The following IDO2 variants were observed in gnomAD, a reference collection of about 807,000 sequenced individuals.
IDO2 encodes the protein indoleamine 2,3-dioxygenase-like 1 protein.
Under a neutral mutation model 45.1 loss-of-function variants are expected in IDO2, and 46 were observed. That is an observed-to-expected ratio of 1.02 (90% CI 0.80 to 1.30). The LOEUF (loss-of-function observed/expected upper bound fraction) is 1.30. Ranked by LOEUF, IDO2 falls within the 50% of genes most tolerant of loss-of-function variation. The probability of loss-of-function intolerance (pLI) is 0.00; values close to 1 mark genes in which losing one functional copy is unlikely to be tolerated. For synonymous variants in IDO2, 218 were observed against 184.9 expected, an observed-to-expected ratio of 1.18 and a Z score of -1.45; for missense variants, 544 against 491.8, an observed-to-expected ratio of 1.11 and a Z score of -1.00.
At chr8:39,962,232 C>T (rs1174315091) in intron 2 of IDO2, among the ~76,000 whole-genome samples, 17 of 152,056 alleles carry the variant, frequency 1.1e-4, no homozygotes, top group Non-Finnish European at 1.5e-5. Flanking sequence ...TGCCTTAAGC[C>T]CCCAGCCCCA....
Position 39,972,041 on chromosome 8 carries a change from A to G in IDO2, c.196-7026A>G, listed in dbSNP as rs530170539. ...GCCAGGCTGGTCTCAAACTCCTGGC[A>G]TCAGGTGATCCACCCACCTTGGCCT... On this transcript the variant is annotated intron_variant, in intron 3 of 10. Coordinates refer to ENST00000502986, the Ensembl canonical transcript of IDO2. Among the ~76,000 whole-genome samples the G allele has an allele frequency of 2.0e-5, 3 of 152,176 alleles. No individual in the cohort carries two copies. In the South Asian group the frequency reaches 6.2e-4, roughly 32 times the overall value.
intron 3 of IDO2, among the ~76,000 whole-genome samples, chr8:39,970,788 G>A (rs1463856058): frequency 3.4e-5 from 4 of 116,042 alleles, no homozygotes; most frequent in Non-Finnish European, 6.7e-5. Flanking sequence ...TTTTTTTTGA[G>A]ACAGAGTCTC....
At chr8:39,998,010 T>G in intron 8 of IDO2, 1 of 234,914 alleles carries the variant, frequency 4.3e-6, no homozygotes, top group Non-Finnish European at 8.8e-6. Context: ...ACTTAGCCCA[T>G]CTGTAGCTCT....
At chr8:39,972,609 CA>C (rs35394460) in intron 3 of IDO2, among the ~76,000 whole-genome samples, 1,090 of 34,426 alleles carry the variant, frequency 0.032, 3 homozygotes, top group African/African-American at 0.076. Context: ...GACTCCATCT[CA>C]AAAAAAAAAA....
chr8:39,941,956 G>A (rs1807649586), intron 1 of IDO2, among the ~76,000 whole-genome samples: 1 of 151,964 alleles, frequency 6.6e-6, no homozygotes, highest in South Asian at 2.1e-4. Context: ...AAGCATGGTG[G>A]TACACACCTG....
intron 1 of IDO2, among the ~76,000 whole-genome samples, chr8:39,940,929 G>GAAAAAA (rs35440780): frequency 2.9e-5 from 4 of 138,542 alleles, no homozygotes; most frequent in Non-Finnish European, 6.2e-5. Context: ...AAATAAAATT[G>GAAAAAA]AAAAAAAAAA....
chr8:39,949,429 G>A (rs544058307), intron 2 of IDO2, among the ~76,000 whole-genome samples, 165 bp downstream of exon 2: 51 of 152,280 alleles, frequency 3.3e-4, no homozygotes, highest in Non-Finnish European at 6.5e-4. Flanking sequence ...ACTATCAAAA[G>A]AGAAGTGACA....
At chr8:39,994,052 G>A (rs1801989405) in intron 8 of IDO2, among the ~76,000 whole-genome samples, 1 of 151,892 alleles carries the variant, frequency 6.6e-6, no homozygotes, top group African/African-American at 2.4e-5. Flanking sequence ...ATTGTTAAGT[G>A]AAAAAAGCAG....
At chr8:39,954,576 A>G (rs1022360661) in intron 2 of IDO2, among the ~76,000 whole-genome samples, 2 of 149,914 alleles carry the variant, frequency 1.3e-5, no homozygotes, top group Non-Finnish European at 3.0e-5. Flanking sequence ...CTTGGCTTGT[A>G]GATGGCCTCC....
chr8:40,000,441 A>G (rs1585418228), intron 8 of IDO2, among the ~76,000 whole-genome samples: 1 of 152,070 alleles, frequency 6.6e-6, no homozygotes, highest in East Asian at 1.9e-4. Context: ...TAAACAGCAT[A>G]TTATCATGAT....
chr8:39,978,548 G>A (rs1020057638), intron 3 of IDO2, among the ~76,000 whole-genome samples: 34 of 152,112 alleles, frequency 2.2e-4, no homozygotes, highest in African/African-American at 8.0e-4. Flanking sequence ...TGGAGGGCGG[G>A]GGTGGAGGGG....
At chr8:39,995,082 A>G (rs1802012980) in intron 8 of IDO2, 1 of 152,164 alleles carries the variant, frequency 6.6e-6, no homozygotes, top group African/African-American at 2.4e-5. Context: ...GAACCTTAAC[A>G]TTTCAATTAA....
At chr8:40,013,238 A>C (rs902350700) in intron 9 of IDO2, among the ~76,000 whole-genome samples, 3 of 152,160 alleles carry the variant, frequency 2.0e-5, no homozygotes, top group Non-Finnish European at 2.9e-5. Context: ...GTGCCTTTTG[A>C]CCAACACTGA....
At chr8:39,981,230 T>A (rs1808345966) in intron 4 of IDO2, among the ~76,000 whole-genome samples, 1 of 151,858 alleles carries the variant, frequency 6.6e-6, no homozygotes, top group African/African-American at 2.4e-5. Flanking sequence ...CCTGGCTAAT[T>A]TTTATATTTT....
At chr8:40,008,491 A>G (rs537346872) in intron 9 of IDO2, among the ~76,000 whole-genome samples, 1 of 152,338 alleles carries the variant, frequency 6.6e-6, no homozygotes, top group African/African-American at 2.4e-5. Flanking sequence ...CCCTATGTCA[A>G]GGTCAACTGA....
intron 9 of IDO2, among the ~76,000 whole-genome samples, chr8:40,009,962 A>ACTAGGTGAGTGCCACCTAGACTGAC (rs1423185494): frequency 6.6e-6 from 1 of 152,134 alleles, no homozygotes; most frequent in African/African-American, 2.4e-5. Flanking sequence ...ACCCCATGTC[A>ACTAGGTGAGTGCCACCTAGACTGAC]GTTCTAGGTG....
intron 8 of IDO2, among the ~76,000 whole-genome samples, chr8:40,003,044 C>G (rs764707207): frequency 2.6e-5 from 4 of 152,132 alleles, no homozygotes; most frequent in Non-Finnish European, 4.4e-5. Context: ...ACAGAGAACT[C>G]TTCTCTTCAA....
chr8:39,960,321 C>G (rs1807972194), intron 2 of IDO2, among the ~76,000 whole-genome samples: 1 of 130,280 alleles, frequency 7.7e-6, no homozygotes, highest in South Asian at 3.0e-4. Context: ...CCTTTAAACT[C>G]TAGATCTTCT....
chr8:39,995,116 A>T lies in IDO2; in HGVS notation c.667+5278A>T, dbSNP rs1192160801. On this transcript the variant is annotated intron_variant, in intron 8 of 10. Coordinates refer to ENST00000502986, the Ensembl canonical transcript of IDO2. ...AAAAGGCAAAATGAGGACACTTACC[A>T]TCAGCCTATAAAATTATTCTTATTA... 4 of 152,260 alleles carry T rather than the reference A, an allele frequency of 2.6e-5. No individual in the cohort carries two copies. In the East Asian group the frequency reaches 7.7e-4, roughly 29 times the overall value. 9.4% of individuals were successfully genotyped at this position (152,260 alleles called of 1,614,324 possible).
Sources: gnomAD v4.1 joint callset for allele counts (sites outside exome capture counted in the v4.1 genomes callset) on GRCh38, gnomAD v4.1.1 for gene constraint, MANE v1.5 for transcripts, NCBI Gene and HGNC (gene_info 2026-07-23, HGNC 2026-07-21) for gene names.